IGSF1: variants seen among roughly 807,000 people sequenced by gnomAD.
IGSF1 encodes the protein immunoglobulin superfamily member 1.
In IGSF1, 40 loss-of-function variants were observed where a neutral mutation model predicts 95.3. That is an observed-to-expected ratio of 0.42 (90% CI 0.33 to 0.55). The LOEUF (loss-of-function observed/expected upper bound fraction) is 0.55, where lower values mean the gene tolerates loss of function less well. Ranked by LOEUF, IGSF1 falls within the 20% of genes least tolerant of loss-of-function variation. The pLI is 0.10. For missense variants in IGSF1, 906 were observed against 1,025.4 expected, an observed-to-expected ratio of 0.88 and a Z score of 1.59; for synonymous variants, 372 against 382.9, an observed-to-expected ratio of 0.97 and a Z score of 0.33.
chrX:131,282,003 C>T (rs903682261), intron 7 of IGSF1, 59 bp from the exon 8 acceptor site: 73 of 1,051,101 alleles, frequency 6.9e-5, no homozygotes, highest in Non-Finnish European at 8.9e-5. Flanking sequence ...CCCTCTCCCC[C>T]AGAAAATGTT....
In IGSF1 at chrX:131,274,154, G is replaced by A. The variant is rs762731117; in HGVS notation, c.3804C>T (p.Ile1268=). The part of the protein sequence containing the change: ...TVGNIVRSSL[I]VVVVVALGVV... ...CCCCCAAGGCTACAACAACCACCAC[G>A]ATTAGGCTACTTCGGACAATGTTCC... The change falls in exon 19 of 20, where the codon ATC becomes ATT. Residue 1268 remains isoleucine (I), a synonymous_variant. Transcript: ENST00000361420. 31 of 1,209,261 alleles carry A rather than the reference G, an allele frequency of 2.6e-5. No individual in the cohort carries two copies. Among genetic ancestry groups the A allele is most frequent in the South Asian group, 2.3e-4 (13 of 56,751 alleles).
intron 4 of IGSF1, 89 bp downstream of exon 4, chrX:131,285,678 G>T: frequency 4.2e-6 from 4 of 959,566 alleles, no homozygotes; most frequent in Non-Finnish European, 5.7e-6. Flanking sequence ...ATGCATGCTT[G>T]CATGCATTTG....
chrX:131,274,697 C>T lies in IGSF1; in HGVS notation c.3653G>A (p.Gly1218Glu), dbSNP rs2080454991. 1 of 1,211,490 alleles carries T rather than the reference C, an allele frequency of 8.3e-7. No homozygotes were observed. The highest frequency in any genetic ancestry group is 1.1e-6 in the Non-Finnish European group (1 of 895,135). The stretch of plus-strand genomic sequence containing the variant: ...GCAGCTGTAGTTTCCAATGCCTTTT[C>T]CTTCTACGTTGTTGATGACAAAGTC... Reference protein sequence around the residue: ...DGDFVINNVEGKGIGNYSCSY... With the variant: ...DGDFVINNVEEKGIGNYSCSY... Residue 1218 changes from glycine (G) to glutamate (E), a missense_variant, in exon 18 of 20, where the codon GGA becomes GAA. Gly to Glu is a moderately conservative substitution (Grantham distance 98). Coordinates refer to ENST00000361420, the MANE Select transcript of IGSF1 (RefSeq NM_001555.5).
Position 131,278,599 on chromosome X carries a change from G to C in IGSF1, c.1903C>G (p.Arg635Gly), listed in dbSNP as rs1484266981. The C allele has an allele frequency of 4.1e-6, 5 of 1,211,680 alleles. No individual in the cohort carries two copies. Among genetic ancestry groups the C allele is most frequent in the Non-Finnish European group, 4.5e-6 (4 of 895,341 alleles). Reference sequence around the variant, plus strand: ...GCCCGGACCTGCTCTGAGGCCGGGCGAGTGGCGATCCACCCGGTCCCATCC... The same window carrying C: ...GCCCGGACCTGCTCTGAGGCCGGGCCAGTGGCGATCCACCCGGTCCCATCC... ...LKDGTGWIAT[R>G]PASEQVRAAF... is the part of the protein sequence containing the mutation. Residue 635 changes from arginine (R) to glycine (G), a missense_variant, in exon 12 of 20, where the codon CGC (arginine) becomes GGC (glycine). Transcript: ENST00000361420.
At chrX:131,278,810 T>C in intron 11 of IGSF1, 59 bp from the exon 12 acceptor site, 1 of 1,082,257 alleles carries the variant, frequency 9.2e-7, no homozygotes, top group African/African-American at 1.8e-5. Flanking sequence ...CCCTCCTCCT[T>C]GCCCTTGAAC....
intron 14 of IGSF1, 74 bp downstream of exon 14, chrX:131,276,865 C>G: frequency 9.9e-7 from 1 of 1,005,310 alleles, no homozygotes; most frequent in Non-Finnish European, 1.4e-6. Context: ...AACATTTCTT[C>G]CTCTCCCACT....
At chrX:131,280,882 A>C (rs1014625961) in intron 9 of IGSF1, 2 of 167,960 alleles carry the variant, frequency 1.2e-5, no homozygotes, top group Non-Finnish European at 2.2e-5. Context: ...TACAAGAGGA[A>C]AAATCCAGAA....
chrX:131,277,235 C>G lies in IGSF1; in HGVS notation c.2321-9G>C, dbSNP rs1244199354. The G allele has an allele frequency of 3.1e-5, 36 of 1,143,285 alleles. No individual in the cohort carries two copies. The highest frequency in any genetic ancestry group is 4.2e-5 in the Non-Finnish European group (36 of 863,504). The allele number at this position is 1,143,285 out of a possible 1,213,427, so 94.2% of individuals were successfully genotyped here. On this transcript the variant is annotated splice_polypyrimidine_tract_variant and intron_variant, in intron 13 of 19. Transcript: ENST00000361420. ...GGGCTTAGGGTACATTTCTAGAAGG[C>G]AAAAAACAAAAACAAAAACAAAAAA...
At chrX:131,274,320 C>G (rs2080450863) in intron 18 of IGSF1, 114 bp from the exon 19 acceptor site, 1 of 958,911 alleles carries the variant, frequency 1.0e-6, no homozygotes, top group South Asian at 2.3e-5. Context: ...TGGGAGCCAT[C>G]TGTTCAGACT....
Position 131,275,218 on chromosome X carries a change from G to A in IGSF1, c.3253C>T (p.Leu1085Phe). 1 of 1,211,275 alleles carries A rather than the reference G, an allele frequency of 8.3e-7. No homozygotes were observed. Residue 1085 changes from leucine (L) to phenylalanine (F), a missense_variant, in exon 17 of 20, where the codon CTT becomes TTT. Leu to Phe is a conservative substitution (Grantham distance 22). This residue lies in a region of IGSF1 where 411 missense variants were observed against 494.9 expected (regional missense o/e 0.83). Coordinates refer to ENST00000361420, the MANE Select transcript of IGSF1 (RefSeq NM_001555.5). ...TCTGGCAGTTCCCCTTGACACTGAA[G>A]AGTCATATTTTCGCCAGGGGCCACC... ...PMVAPGENMT[L>F]QCQGELPDST...
intron 5 of IGSF1, chrX:131,284,264 A>T: frequency 4.8e-6 from 1 of 209,589 alleles, no homozygotes; most frequent in Non-Finnish European, 7.1e-6. Context: ...CATTATTATT[A>T]AACCAATTTT....
chrX:131,277,665 G>A (rs1006406067), intron 13 of IGSF1, 191 bp downstream of exon 13: 4 of 435,447 alleles, frequency 9.2e-6, no homozygotes, highest in African/African-American at 2.5e-5. Flanking sequence ...TATTAATAAC[G>A]ATTATGGCTA....
chrX:131,286,518 T>G lies in IGSF1; in HGVS notation c.71-55A>C, dbSNP rs2080640052. 10 of 1,173,183 alleles carry G rather than the reference T, an allele frequency of 8.5e-6. No individual in the cohort carries two copies. The South Asian group carries it at 1.4e-4, about 17-fold the overall frequency. ...CTCCCTTGTTGTCTCCATCCTGTGC[T>G]CAAACCTCAATACTTTCCTCTCCCA... is the stretch of plus-strand genomic sequence containing the variant. On this transcript the variant is annotated intron_variant, in intron 2 of 19. Coordinates refer to ENST00000361420, the MANE Select transcript of IGSF1 (RefSeq NM_001555.5).
chrX:131,286,146 C>T, intron 3 of IGSF1, 98 bp from the exon 4 acceptor site: 1 of 811,847 alleles, frequency 1.2e-6, no homozygotes, highest in Non-Finnish European at 1.8e-6. Context: ...GGACCCAGAT[C>T]CCTCATTTTG....
At chrX:131,279,071 T>C (rs2080516624) in intron 11 of IGSF1, 72 bp downstream of exon 11, 1 of 1,050,028 alleles carries the variant, frequency 9.5e-7, no homozygotes, top group Admixed American at 2.2e-5. Flanking sequence ...CCCTGGCCAA[T>C]GACACTGACG....
rs1172235100 is a variant in IGSF1 at position 131,278,615 on chromosome X, G to A, written c.1887C>T (p.Thr629=). Residue 629 remains threonine (T), a synonymous_variant, in exon 12 of 20, where the codon ACC becomes ACT. Transcript: ENST00000361420. ...AGGCCGGGCGAGTGGCGATCCACCCGGTCCCATCCTTCAGCAACACAAACT... is the reference window on the plus strand; with the variant it reads ...AGGCCGGGCGAGTGGCGATCCACCCAGTCCCATCCTTCAGCAACACAAACT... The part of the protein sequence containing the change: ...TKEFVLLKDG[T]GWIATRPASE... 8 of 1,209,890 alleles carry A rather than the reference G, an allele frequency of 6.6e-6. No individual in the cohort carries two copies. The highest frequency in any genetic ancestry group is 5.3e-5 in the African/African-American group (3 of 57,142).
At chrX:131,274,525 G>T in intron 18 of IGSF1, 74 bp downstream of exon 18, 1 of 1,050,276 alleles carries the variant, frequency 9.5e-7, no homozygotes, top group Non-Finnish European at 1.3e-6. Context: ...TCCTGATTTG[G>T]GATGTCTCCA....
In IGSF1 at chrX:131,287,111, ATATATATGTGTGTATATATACG is replaced by A. The variant is rs199643197; in HGVS notation, c.-67-392_-67-371del. ...CGTATATATATGTGTATATACATGT[ATATATATGTGTGTATATATACG>A]TATATATGTGTGTATATATATACGT... On this transcript the variant is annotated intron_variant, in intron 1 of 19. Transcript: ENST00000361420. Among the ~76,000 whole-genome samples, 896 of 106,374 alleles carry A rather than the reference ATATATATGTGTGTATATATACG, an allele frequency of 8.4e-3. 26 individuals carry two copies. In the East Asian group the frequency reaches 0.14, roughly 16 times the overall value. The allele number at this position is 106,374 out of a possible 115,157, so 92.4% of individuals were successfully genotyped here.
chrX:131,285,690 G>A (rs2080624813), intron 4 of IGSF1, 77 bp downstream of exon 4: 5 of 1,041,189 alleles, frequency 4.8e-6, no homozygotes, highest in Middle Eastern at 3.1e-4. Context: ...ATGCATTTGT[G>A]AAACAAACTC....
Sources: gnomAD v4.1 joint callset for allele counts (sites outside exome capture counted in the v4.1 genomes callset) on GRCh38, gnomAD v4.1.1 for gene constraint, gnomAD v4.1.1 regional missense constraint, MANE v1.5 for transcripts, NCBI Gene and HGNC (gene_info 2026-07-23, HGNC 2026-07-21) for gene names.